ANK3: variants seen among roughly 807,000 people sequenced by gnomAD.
The protein encoded by ANK3 is ankyrin 3.
ANK3 carries 57 observed loss-of-function variants against 370.9 expected under a neutral mutation model. The observed-to-expected ratio is 0.15, with a 90% CI of 0.12 to 0.19. ANK3 has a LOEUF of 0.19. Ranked by LOEUF, ANK3 falls within the 10% of genes least tolerant of loss-of-function variation. The probability of loss-of-function intolerance (pLI) is 1.00; values close to 1 mark genes in which losing one functional copy is unlikely to be tolerated. For missense variants in ANK3, 4,439 were observed against 5,302.1 expected (o/e 0.84, Z 5.06); for synonymous variants, 1,929 against 1,946.3 (o/e 0.99, Z 0.23).
At chr10:60,692,952 T>C (rs551193896) in intron 1 of ANK3, among the ~76,000 whole-genome samples, 2 of 152,264 alleles carry the variant, frequency 1.3e-5, no homozygotes, top group South Asian at 4.1e-4. Flanking sequence ...CTTCTTAAGA[T>C]TATAATAGGG....
At position 60,074,374 on chromosome 10, in the gene ANK3, C is replaced by A. The variant is rs757512072; in HGVS notation, c.6507G>T (p.Val2169=). ...PPVITETRTE[V]VHVIRSYDPS... The stretch of plus-strand genomic sequence containing the variant: ...GATCATAGCTCCTGATAACATGAAC[C>A]ACTTCAGTTCTTGTTTCTGTAATGA... The change falls in exon 37 of 44, where the codon GTG becomes GTT. Residue 2169 remains valine (V), a synonymous_variant. Coordinates refer to ENST00000280772, the MANE Select transcript of ANK3 (RefSeq NM_020987.5). 1 of 1,614,044 alleles carries A rather than the reference C, an allele frequency of 6.2e-7. No individual in the cohort carries two copies.
intron 2 of ANK3, among the ~76,000 whole-genome samples, chr10:60,412,294 A>G (rs1316310607): frequency 1.3e-5 from 2 of 152,172 alleles, no homozygotes. Flanking sequence ...GATGGGCCTC[A>G]TCCAATCCCC....
At chr10:60,668,517 C>T (rs997059429) in intron 1 of ANK3, among the ~76,000 whole-genome samples, 2 of 152,120 alleles carry the variant, frequency 1.3e-5, no homozygotes, top group African/African-American at 4.8e-5. Flanking sequence ...GCTTTTCTTG[C>T]TACCAGGTGC....
At chr10:60,437,601 A>G (rs1231234196) in intron 2 of ANK3, among the ~76,000 whole-genome samples, 1 of 152,202 alleles carries the variant, frequency 6.6e-6, no homozygotes, top group East Asian at 1.9e-4. Context: ...CTTCCAAACA[A>G]TGCAAGTGGC....
intron 1 of ANK3, among the ~76,000 whole-genome samples, chr10:60,313,369 T>C (rs2046752950): frequency 6.6e-6 from 1 of 152,104 alleles, no homozygotes; most frequent in South Asian, 2.1e-4. Context: ...AAAATATAAT[T>C]GAGATTGCAA....
chr10:60,175,357 C>T (rs184393465), intron 18 of ANK3, among the ~76,000 whole-genome samples: 2 of 152,306 alleles, frequency 1.3e-5, no homozygotes, highest in East Asian at 1.9e-4. Flanking sequence ...AATAGCACCT[C>T]GCATAAATAC....
intron 1 of ANK3, among the ~76,000 whole-genome samples, chr10:60,667,492 T>C (rs1168790583): frequency 6.6e-6 from 1 of 151,820 alleles, no homozygotes; most frequent in Non-Finnish European, 1.5e-5. Context: ...AGAAACCAAA[T>C]GATATAAAAA....
upstream of ANK3, among the ~76,000 whole-genome samples, chr10:60,390,387 C>T (rs1186354947): frequency 6.6e-6 from 1 of 152,154 alleles, no homozygotes; most frequent in Non-Finnish European, 1.5e-5. Context: ...ACTCTCCTCT[C>T]ATGGGGTCTG....
intron 35 of ANK3, chr10:60,081,547 T>C (rs1177389519): frequency 2.3e-6 from 1 of 437,882 alleles, no homozygotes; most frequent in Non-Finnish European, 4.5e-6. Flanking sequence ...AAGATAAATT[T>C]CTTTAGTGAG....
chr10:60,140,593 C>A (rs1312428244), intron 23 of ANK3: 17 of 1,386,166 alleles, frequency 1.2e-5, no homozygotes, highest in Non-Finnish European at 1.6e-5. Context: ...AAATTTCAGG[C>A]CCCCAAAAAA....
chr10:60,362,543 C>T, intron 1 of ANK3, among the ~76,000 whole-genome samples: 1 of 152,156 alleles, frequency 6.6e-6, no homozygotes, highest in East Asian at 1.9e-4. Flanking sequence ...CGTGAGCCTG[C>T]AGGGGTTTGG....
chr10:60,280,996 T>G (rs1255128210), intron 1 of ANK3, among the ~76,000 whole-genome samples: 1 of 152,014 alleles, frequency 6.6e-6, no homozygotes, highest in Admixed American at 6.6e-5. Context: ...GATTAAGGAG[T>G]AGGCAACTGG....
chr10:60,171,351 C>A (rs889689379), intron 21 of ANK3, among the ~76,000 whole-genome samples: 2 of 152,156 alleles, frequency 1.3e-5, no homozygotes, highest in Non-Finnish European at 2.9e-5. Context: ...AGTAACACTG[C>A]CAGATAACTC....
At chr10:60,428,039 T>C (rs1455418220) in intron 2 of ANK3, among the ~76,000 whole-genome samples, 1 of 152,140 alleles carries the variant, frequency 6.6e-6, no homozygotes, top group African/African-American at 2.4e-5. Context: ...AGAGCCCACA[T>C]CAGCAGTATC....
intron 1 of ANK3, chr10:60,684,555 AT>A: frequency 1.3e-6 from 2 of 1,585,434 alleles, no homozygotes; most frequent in Non-Finnish European, 1.7e-6. Context: ...GTCTGCCTTC[AT>A]TTCAATCCTT....
At chr10:60,137,216 C>A in intron 24 of ANK3, 1 of 176,760 alleles carries the variant, frequency 5.7e-6, no homozygotes, top group South Asian at 1.0e-4. Flanking sequence ...AGCTTTTGAG[C>A]AGAAAAAAAG....
chr10:60,120,326 A>T (rs10761457), intron 25 of ANK3, among the ~76,000 whole-genome samples: 53,610 of 151,928 alleles, frequency 0.35, 11,119 homozygotes, highest in East Asian at 0.7. Flanking sequence ...AATGAATTAA[A>T]GACTTAAATC....
chr10:60,157,669 C>A (rs953774895), intron 23 of ANK3, among the ~76,000 whole-genome samples: 22 of 151,566 alleles, frequency 1.5e-4, no homozygotes, highest in African/African-American at 5.3e-4. Flanking sequence ...AATTGACAAA[C>A]TAAAAATGCA....
intron 27 of ANK3, among the ~76,000 whole-genome samples, chr10:60,106,454 T>TA (rs551127688): frequency 5.9e-5 from 9 of 151,636 alleles, no homozygotes; most frequent in East Asian, 3.9e-4. Flanking sequence ...GTCATTTCTT[T>TA]AAAAAAAAAT....
Sources: allele counts gnomAD v4.1 joint callset (sites outside exome capture counted in the v4.1 genomes callset), GRCh38; gene constraint gnomAD v4.1.1; transcripts MANE v1.5; gene names NCBI Gene and HGNC (gene_info 2026-07-23, HGNC 2026-07-21).